Variants in TNFSF4 observed in about 807,000 individuals in gnomAD.
TNFSF4 encodes the protein tumor necrosis factor ligand superfamily member 4.
In TNFSF4, 4 loss-of-function variants were observed where a neutral mutation model predicts 7.3. The ratio of observed to expected loss-of-function variants is 0.55; its 90% CI spans 0.27 to 1.25. The LOEUF is 1.25. Among genes scored for constraint, TNFSF4 ranks in the 50% most tolerant of loss-of-function variants. TNFSF4 has a pLI of 0.12. For synonymous variants in TNFSF4, 76 were observed against 83.7 expected, an observed-to-expected ratio of 0.91 and a Z score of 0.50; for missense variants, 181 against 208.8, an observed-to-expected ratio of 0.87 and a Z score of 0.82.
At chr1:173,391,074 T>C in the TNFSF4 span, among the ~76,000 whole-genome samples, 1 of 152,124 alleles carries the variant, frequency 6.6e-6, no homozygotes, top group Non-Finnish European at 1.5e-5. Context: ...TGAAAAACTA[T>C]AAATTATGAA....
chr1:173,397,848 G>A, the TNFSF4 span, among the ~76,000 whole-genome samples: 1 of 152,156 alleles, frequency 6.6e-6, no homozygotes, highest in East Asian at 1.9e-4. Context: ...AAGGATGCAG[G>A]GGTAGTGGTA....
the TNFSF4 span, among the ~76,000 whole-genome samples, chr1:173,441,609 G>A: frequency 6.6e-6 from 1 of 152,188 alleles, no homozygotes; most frequent in South Asian, 2.1e-4. Context: ...GGGTGACAGA[G>A]CGAGACTCTG....
At position 173,185,642 on chromosome 1, in the gene TNFSF4, A is replaced by ATGTGT. The variant is rs1649190409; in HGVS notation, c.*869_*873dup. ...TTGCTTTGCCTGTCTGTGGCAAAGAATGTGTTTTCCTCCCCAGGCTATTAA... is the reference window on the plus strand; with the variant it reads ...TTGCTTTGCCTGTCTGTGGCAAAGAATGTGTTGTGTTTTCCTCCCCAGGCTATTAA... On this transcript the variant is annotated 3_prime_UTR_variant, in exon 3 of 3. Transcript: ENST00000281834. 1 of 152,182 alleles carries ATGTGT rather than the reference A, an allele frequency of 6.6e-6. No individual in the cohort carries two copies. The highest frequency in any genetic ancestry group is 1.9e-4 in the East Asian group (1 of 5,202). The allele number at this position is 152,182 out of a possible 1,614,324, so 9.4% of individuals were successfully genotyped here. A position where few individuals can be genotyped will look rare whatever the true frequency, so the allele number is the denominator to read the frequency against.
At chr1:173,374,538 C>A in the TNFSF4 span, among the ~76,000 whole-genome samples, 1 of 152,124 alleles carries the variant, frequency 6.6e-6, no homozygotes, top group Admixed American at 6.5e-5. Context: ...CACCTGTGAA[C>A]CATTGGAGGA....
chr1:173,251,994 T>C, the TNFSF4 span, among the ~76,000 whole-genome samples: 52 of 152,318 alleles, frequency 3.4e-4, no homozygotes, highest in African/African-American at 1.2e-3. Context: ...AAATGCCCTG[T>C]TATTGTGTGG....
At chr1:173,187,054 C>CA (rs1175157623) in intron 2 of TNFSF4, among the ~76,000 whole-genome samples, 189 bp from the exon 3 acceptor site, 202 of 126,138 alleles carry the variant, frequency 1.6e-3, no homozygotes, top group Admixed American at 4.2e-3. Context: ...CTGTCTCAAA[C>CA]AAAAAAAAAA....
chr1:173,305,177 A>T, the TNFSF4 span, among the ~76,000 whole-genome samples: 1 of 151,836 alleles, frequency 6.6e-6, no homozygotes. Flanking sequence ...ATATGTTATG[A>T]AACATGCCAA....
At chr1:173,313,014 G>A in the TNFSF4 span, among the ~76,000 whole-genome samples, 2 of 152,054 alleles carry the variant, frequency 1.3e-5, no homozygotes, top group Admixed American at 1.3e-4. Flanking sequence ...TGAGCAAGTG[G>A]CAGCCCTGCA....
chr1:173,175,244 T>TA, the TNFSF4 span: 1 of 152,186 alleles, frequency 6.6e-6, no homozygotes, highest in Non-Finnish European at 1.5e-5. Context: ...TAAGTGGTGG[T>TA]AAAATCTCAA....
At chr1:173,332,722 G>A in the TNFSF4 span, among the ~76,000 whole-genome samples, 1 of 150,060 alleles carries the variant, frequency 6.7e-6, no homozygotes, top group Non-Finnish European at 1.5e-5. Flanking sequence ...ATGCGTGGTG[G>A]CACGCACCTG....
chr1:173,376,254 C>T, the TNFSF4 span, among the ~76,000 whole-genome samples: 1 of 152,166 alleles, frequency 6.6e-6, no homozygotes, highest in Non-Finnish European at 1.5e-5. Flanking sequence ...GAATACTATG[C>T]AGCCATAAAA....
chr1:173,355,917 G>A, the TNFSF4 span, among the ~76,000 whole-genome samples: 19 of 152,200 alleles, frequency 1.2e-4, no homozygotes, highest in Admixed American at 1.0e-3. Flanking sequence ...AATACAGGGA[G>A]TGGTGATTAT....
the TNFSF4 span, among the ~76,000 whole-genome samples, chr1:173,392,902 T>C: frequency 1.7e-4 from 26 of 152,280 alleles, no homozygotes; most frequent in Admixed American, 8.5e-4. Context: ...TTACTCCAAA[T>C]AAAATTATTG....
downstream of TNFSF4, among the ~76,000 whole-genome samples, chr1:173,182,586 T>C (rs1557874957): frequency 1.3e-5 from 2 of 152,298 alleles, no homozygotes; most frequent in East Asian, 1.9e-4. Flanking sequence ...GTTGAGACAA[T>C]GGAAATAACA....
the TNFSF4 span, among the ~76,000 whole-genome samples, chr1:173,345,315 T>C: frequency 1.3e-5 from 2 of 152,168 alleles, no homozygotes; most frequent in Admixed American, 6.5e-5. Flanking sequence ...GTGTTTGCCA[T>C]CAAGTGTTTT....
upstream of TNFSF4, among the ~76,000 whole-genome samples, chr1:173,212,063 G>C (rs1229902235): frequency 6.6e-6 from 1 of 152,158 alleles, no homozygotes; most frequent in Admixed American, 6.5e-5. Context: ...GAAGGTAAAA[G>C]AGAGCTAGAG....
the TNFSF4 span, among the ~76,000 whole-genome samples, chr1:173,330,954 G>A: frequency 1.3e-5 from 2 of 148,698 alleles, no homozygotes; most frequent in East Asian, 2.0e-4. Context: ...GCGCGATCTC[G>A]GCTCACTGCA....
the TNFSF4 span, among the ~76,000 whole-genome samples, chr1:173,289,313 A>ATG: frequency 6.6e-6 from 1 of 152,198 alleles, no homozygotes; most frequent in South Asian, 2.1e-4. Context: ...CACAGCGCTC[A>ATG]CATAAGTGAG....
At chr1:173,173,511 C>T in the TNFSF4 span, among the ~76,000 whole-genome samples, 3 of 152,202 alleles carry the variant, frequency 2.0e-5, no homozygotes, top group Non-Finnish European at 4.4e-5. Flanking sequence ...ATAGGGCAAA[C>T]AACAAAGGTT....
Sources: allele counts gnomAD v4.1 joint callset (sites outside exome capture counted in the v4.1 genomes callset), GRCh38; gene constraint gnomAD v4.1.1; transcripts MANE v1.5; gene names NCBI Gene and HGNC (gene_info 2026-07-23, HGNC 2026-07-21).